Variants in PCSK5 observed in about 807,000 individuals in gnomAD.
PCSK5 encodes prohormone convertase 5.
In PCSK5, 129 loss-of-function variants were observed where a neutral mutation model predicts 233.2. That is an observed-to-expected ratio of 0.55 (90% CI 0.48 to 0.64). The LOEUF is 0.64. Ranked by LOEUF, PCSK5 falls within the 30% of genes least tolerant of loss-of-function variation. PCSK5 has a pLI of 0.00. For synonymous variants in PCSK5, 825 were observed against 879.2 expected (o/e 0.94, Z 1.09); for missense variants, 2,076 against 2,430.1 (o/e 0.85, Z 3.06).
At chr9:75,913,105 G>A (rs142525598) in intron 1 of PCSK5, among the ~76,000 whole-genome samples, 1 of 152,180 alleles carries the variant, frequency 6.6e-6, no homozygotes, top group African/African-American at 2.4e-5. Context: ...TTGGGTTTGG[G>A]TGGGTTCTTA....
intron 8 of PCSK5, among the ~76,000 whole-genome samples, chr9:76,104,163 C>T (rs1014244328): frequency 1.3e-4 from 20 of 152,126 alleles, no homozygotes; most frequent in African/African-American, 4.6e-4. Flanking sequence ...GACACAAAAA[C>T]TCCGATGCTG....
intron 9 of PCSK5, among the ~76,000 whole-genome samples, chr9:76,121,137 G>A (rs1364309412): frequency 1.3e-5 from 2 of 151,304 alleles, no homozygotes; most frequent in Admixed American, 6.6e-5. Context: ...TTCACTTTTT[G>A]TCAATGTTTG....
intron 5 of PCSK5, among the ~76,000 whole-genome samples, chr9:76,035,850 C>T (rs1304083342): frequency 1.3e-5 from 2 of 152,044 alleles, no homozygotes; most frequent in Non-Finnish European, 2.9e-5. Context: ...CTTGAGAGGT[C>T]AGCAATAGCA....
intron 10 of PCSK5, among the ~76,000 whole-genome samples, chr9:76,146,403 C>T (rs1009615165): frequency 6.6e-5 from 10 of 151,642 alleles, no homozygotes; most frequent in African/African-American, 2.4e-4. Flanking sequence ...ACAGAAAATC[C>T]CTGATAGAAA....
At chr9:76,226,853 T>G (rs1825910550) in intron 20 of PCSK5, among the ~76,000 whole-genome samples, 2 of 152,212 alleles carry the variant, frequency 1.3e-5, no homozygotes, top group Non-Finnish European at 2.9e-5. Flanking sequence ...TTAAAATGTT[T>G]CCAAGAAACT....
At chr9:76,003,182 A>G (rs7034457) in intron 3 of PCSK5, among the ~76,000 whole-genome samples, 4,369 of 152,286 alleles carry the variant, frequency 0.029, 194 homozygotes, top group African/African-American at 0.1. Flanking sequence ...GAACATGGGC[A>G]GGCATCCTTA....
At chr9:76,097,788 G>A (rs1454884524) in intron 8 of PCSK5, among the ~76,000 whole-genome samples, 2 of 152,230 alleles carry the variant, frequency 1.3e-5, no homozygotes, top group African/African-American at 2.4e-5. Flanking sequence ...GCTTAGGAAA[G>A]CTCTAACTTT....
chr9:76,196,356 C>T (rs1003596819), intron 20 of PCSK5, among the ~76,000 whole-genome samples: 6 of 152,282 alleles, frequency 3.9e-5, no homozygotes, highest in South Asian at 2.1e-4. Context: ...TGACATCTTG[C>T]GTAAAGTCGG....
intron 24 of PCSK5, among the ~76,000 whole-genome samples, chr9:76,261,588 T>A (rs1239557332): frequency 6.6e-6 from 1 of 152,218 alleles, no homozygotes; most frequent in Admixed American, 6.5e-5. Flanking sequence ...AAAATCTCTA[T>A]GAGAACTACA....
chr9:76,112,826 G>C (rs1217082737), intron 9 of PCSK5, among the ~76,000 whole-genome samples: 1 of 151,922 alleles, frequency 6.6e-6, no homozygotes, highest in African/African-American at 2.4e-5. Flanking sequence ...AAATCGTTCT[G>C]GGGGAAGGGT....
At chr9:76,260,923 G>A (rs371873779) in intron 24 of PCSK5, among the ~76,000 whole-genome samples, 1 of 152,006 alleles carries the variant, frequency 6.6e-6, no homozygotes, top group Non-Finnish European at 1.5e-5. Flanking sequence ...ATTATTAATG[G>A]GGTATTTATT....
At chr9:76,224,153 AAAC>A (rs1164534925) in intron 20 of PCSK5, among the ~76,000 whole-genome samples, 2 of 152,210 alleles carry the variant, frequency 1.3e-5, no homozygotes, top group African/African-American at 4.8e-5. Flanking sequence ...TAGGAGGAAA[AAAC>A]AAGTTTTACA....
chr9:76,106,808 A>G (rs914851834), intron 8 of PCSK5, among the ~76,000 whole-genome samples: 6 of 152,220 alleles, frequency 3.9e-5, no homozygotes, highest in African/African-American at 1.2e-4. Flanking sequence ...TGCAGGGACC[A>G]TGTACTTTTA....
At chr9:76,009,637 A>T (rs1020333216) in intron 3 of PCSK5, among the ~76,000 whole-genome samples, 1 of 151,844 alleles carries the variant, frequency 6.6e-6, no homozygotes, top group African/African-American at 2.4e-5. Context: ...AGGAAAAAAA[A>T]AAAAACAAAA....
intron 7 of PCSK5, among the ~76,000 whole-genome samples, chr9:76,086,706 A>G (rs754989058): frequency 1.3e-5 from 2 of 152,184 alleles, no homozygotes; most frequent in African/African-American, 2.4e-5. Flanking sequence ...TGGTGTCAGT[A>G]CTAGTCAGGG....
intron 24 of PCSK5, among the ~76,000 whole-genome samples, chr9:76,280,896 T>C (rs566856680): frequency 7.5e-6 from 1 of 132,914 alleles, no homozygotes; most frequent in Admixed American, 7.4e-5. Flanking sequence ...AGTGCTGATA[T>C]GGAGAAAGTT....
rs1046817662 is a variant in PCSK5 at position 76,269,989 on chromosome 9, A to C, written c.3143-22244A>C. ...TTCTTTAAAATATGCCTGATGATGAATAGGCAGATTCTTTCAAAATATTTT... is the reference window on the plus strand; with the variant it reads ...TTCTTTAAAATATGCCTGATGATGACTAGGCAGATTCTTTCAAAATATTTT... On this transcript the variant is annotated intron_variant, in intron 24 of 37. Transcript: ENST00000674117. Among the ~76,000 whole-genome samples the C allele has an allele frequency of 1.1e-4, 17 of 152,304 alleles. 1 individual carries two copies. Among genetic ancestry groups the C allele is most frequent in the African/African-American group, 4.1e-4 (17 of 41,586 alleles).
At chr9:76,080,633 G>A (rs1830801447) in intron 7 of PCSK5, among the ~76,000 whole-genome samples, 1 of 152,076 alleles carries the variant, frequency 6.6e-6, no homozygotes, top group Non-Finnish European at 1.5e-5. Flanking sequence ...CCAGACCCTG[G>A]ATTTGGAAAT....
At chr9:76,206,948 C>G (rs1240699772) in intron 20 of PCSK5, among the ~76,000 whole-genome samples, 1 of 152,118 alleles carries the variant, frequency 6.6e-6, no homozygotes, top group African/African-American at 2.4e-5. Context: ...CCAGAGGGTC[C>G]AGGGGAGAAT....
Sources: allele counts gnomAD v4.1 joint callset (sites outside exome capture counted in the v4.1 genomes callset), GRCh38; gene constraint gnomAD v4.1.1; transcripts MANE v1.5; gene names NCBI Gene and HGNC (gene_info 2026-07-23, HGNC 2026-07-21).